C1orf94: variants seen among roughly 807,000 people sequenced by gnomAD.
C1orf94 encodes the protein chromosome 1 open reading frame 94, also known as uncharacterized protein C1orf94.
A neutral mutation model predicts 53.6 loss-of-function variants in C1orf94; 45 were observed. The observed-to-expected ratio is 0.84, with a 90% CI of 0.66 to 1.08. C1orf94 has a LOEUF of 1.08. Ranked by LOEUF, C1orf94 falls within the 50% of genes least tolerant of loss-of-function variation. The pLI is 0.00. For missense variants in C1orf94, 762 were observed against 738.9 expected, an observed-to-expected ratio of 1.03 and a Z score of -0.36; for synonymous variants, 304 against 296.1, an observed-to-expected ratio of 1.03 and a Z score of -0.27.
chr1:34,202,449 T>C (rs1642727377), intron 4 of C1orf94, among the ~76,000 whole-genome samples, 190 bp downstream of exon 4: 1 of 152,096 alleles, frequency 6.6e-6, no homozygotes, highest in African/African-American at 2.4e-5. Flanking sequence ...ATTTTTTTCA[T>C]TGTAGTCACA....
Position 34,197,721 on chromosome 1 carries a change from A to G in C1orf94, c.817A>G (p.Asn273Asp). ...GGTCACCAAGGACTTCCTACAGGAC[A>G]ACCTGTTCAGTGGCCCTGGACCCAA... ...TRVTKDFLQD[N>D]LFSGPGPKEP... The change falls in exon 2 of 7, where the codon AAC becomes GAC. Residue 273 changes from asparagine to aspartate, a missense_variant. Asn to Asp is a conservative substitution (Grantham distance 23). Coordinates refer to ENST00000488417, the MANE Select transcript of C1orf94 (RefSeq NM_001134734.2). The surrounding 1 kb of genome is among the most constrained non-coding windows in gnomAD (Gnocchi z 4.1). 6.2e-7 allele frequency: 1 copy of G among 1,614,134 alleles called. No individual in the cohort carries two copies. The highest frequency in any genetic ancestry group is 8.5e-7 in the Non-Finnish European group (1 of 1,180,018).
At chr1:34,198,220 A>G (rs1008224218) in intron 2 of C1orf94, among the ~76,000 whole-genome samples, 2 of 152,240 alleles carry the variant, frequency 1.3e-5, no homozygotes, top group African/African-American at 2.4e-5. Context: ...GGGTGTCCAG[A>G]GTACATTGAA....
At chr1:34,190,417 A>G (rs1467680032) in intron 1 of C1orf94, among the ~76,000 whole-genome samples, 1 of 151,906 alleles carries the variant, frequency 6.6e-6, no homozygotes, top group African/African-American at 2.4e-5. Context: ...ACCTCCATTC[A>G]TGTGCCCCAT....
At chr1:34,187,256 C>T (rs1642397892) in intron 1 of C1orf94, among the ~76,000 whole-genome samples, 2 of 152,150 alleles carry the variant, frequency 1.3e-5, no homozygotes, top group South Asian at 4.1e-4. Flanking sequence ...AGAGGTTAAG[C>T]AAGTTGCCCA....
upstream of C1orf94, among the ~76,000 whole-genome samples, chr1:34,173,398 A>G (rs977234316): frequency 6.6e-6 from 1 of 152,216 alleles, no homozygotes; most frequent in African/African-American, 2.4e-5. Context: ...TAGGGGCTAT[A>G]TGATGATTGT....
At position 34,202,207 on chromosome 1, in the gene C1orf94, A is replaced by G. The variant is rs1182487012; in HGVS notation, c.1394A>G (p.Asn465Ser). 2 of 1,614,086 alleles carry G rather than the reference A, an allele frequency of 1.2e-6. No homozygotes were observed. The highest frequency in any genetic ancestry group is 1.7e-6 in the Non-Finnish European group (2 of 1,180,040). ...AACCAGCCACTCTGGCTCAACCTGA[A>G]CTATCCACCTCCACCAGTGTTCACG... Reference protein sequence around the residue: ...TLNQPLWLNLNYPPPPVFTNH... With the variant: ...TLNQPLWLNLSYPPPPVFTNH... The change falls in exon 4 of 7, where the codon AAC becomes AGC. Residue 465 changes from asparagine to serine, a missense_variant. Physicochemically the swap from Asn to Ser is conservative, Grantham distance 46 (BLOSUM62 1). Transcript: ENST00000488417.
intron 1 of C1orf94, among the ~76,000 whole-genome samples, chr1:34,195,802 G>A (rs1642569862): frequency 6.6e-6 from 1 of 151,992 alleles, no homozygotes; most frequent in Non-Finnish European, 1.5e-5. Context: ...GTGTGTGTGT[G>A]TGTGTGTGCG....
chr1:34,180,398 C>A (rs532413351), intron 1 of C1orf94, among the ~76,000 whole-genome samples: 5 of 152,184 alleles, frequency 3.3e-5, no homozygotes, highest in Non-Finnish European at 7.3e-5. Context: ...ATGTGTCTAT[C>A]ACTGAGTTTC....
At position 34,186,894 on chromosome 1, in the gene C1orf94, C is replaced by T. The variant is rs934506854; in HGVS notation, c.320+8785C>T. ...GTCTGTGTCTTACTCATCTTTGTCT[C>T]CCCAGTGCCCAGCTGAGTTCCTGGC... On this transcript the variant is annotated intron_variant, in intron 1 of 6. Coordinates refer to ENST00000488417, the MANE Select transcript of C1orf94 (RefSeq NM_001134734.2). Among the ~76,000 whole-genome samples the T allele has an allele frequency of 3.0e-4, 46 of 152,288 alleles. 1 individual carries two copies. The highest frequency in any genetic ancestry group is 1.1e-3 in the African/African-American group (44 of 41,544).
chr1:34,211,826 C>T (rs1642894360), intron 5 of C1orf94, among the ~76,000 whole-genome samples: 1 of 151,930 alleles, frequency 6.6e-6, no homozygotes. Context: ...ATAATGAAAG[C>T]CTTAAAAATA....
intron 1 of C1orf94, among the ~76,000 whole-genome samples, chr1:34,183,616 A>T (rs1642342760): frequency 6.6e-6 from 1 of 152,200 alleles, no homozygotes; most frequent in East Asian, 1.9e-4. Context: ...GCACTTTGGG[A>T]GGCCGAGGTG....
At chr1:34,182,046 T>C (rs770416973) in intron 1 of C1orf94, among the ~76,000 whole-genome samples, 27 of 151,948 alleles carry the variant, frequency 1.8e-4, no homozygotes, top group South Asian at 8.3e-4. Context: ...ATACAAAAAT[T>C]AGCTGGGCAT....
chr1:34,180,626 G>C (rs1024053951), intron 1 of C1orf94, among the ~76,000 whole-genome samples: 1 of 152,190 alleles, frequency 6.6e-6, no homozygotes, highest in Non-Finnish European at 1.5e-5. Flanking sequence ...TAGAATCTGG[G>C]GCATCTTTGA....
At chr1:34,198,398 G>A (rs1222128163) in intron 2 of C1orf94, among the ~76,000 whole-genome samples, 12 of 152,316 alleles carry the variant, frequency 7.9e-5, no homozygotes, top group Middle Eastern at 3.4e-3. Context: ...GGGTAGATGC[G>A]TAAATTATCC....
chr1:34,170,940 G>T (rs908589913), intron 1 of C1orf94, among the ~76,000 whole-genome samples: 2 of 152,090 alleles, frequency 1.3e-5, no homozygotes, highest in African/African-American at 4.8e-5. Context: ...GTCCACAATG[G>T]CTATGTTTCA....
chr1:34,217,552 T>G (rs1023324), intron 6 of C1orf94, among the ~76,000 whole-genome samples: 1 of 151,938 alleles, frequency 6.6e-6, no homozygotes, highest in Non-Finnish European at 1.5e-5. Context: ...GGGACCCACA[T>G]TGTGTCAGGC....
At position 34,177,755 on chromosome 1, in the gene C1orf94, CT is replaced by C; in HGVS notation, c.-34del. 5 of 1,492,782 alleles carry C rather than the reference CT, an allele frequency of 3.3e-6. No homozygotes were observed. The highest frequency in any genetic ancestry group is 4.5e-6 in the Non-Finnish European group (5 of 1,114,676). 92.5% of individuals were successfully genotyped at this position (1,492,782 alleles called of 1,614,324 possible). On this transcript the variant is annotated 5_prime_UTR_variant, in exon 1 of 7. Coordinates refer to ENST00000488417, the MANE Select transcript of C1orf94 (RefSeq NM_001134734.2). ...AAAGCCAGACAGAACTGACCCACTT[CT>C]GCCAAGCCCCATCCTCATCTCCCTT...
chr1:34,205,930 G>A (rs1228093040), intron 4 of C1orf94, among the ~76,000 whole-genome samples: 2 of 152,176 alleles, frequency 1.3e-5, no homozygotes, highest in Non-Finnish European at 2.9e-5. Context: ...AGGGACCATG[G>A]CTTAAGCAAA....
intron 1 of C1orf94, among the ~76,000 whole-genome samples, chr1:34,178,459 T>A (rs1333397682): frequency 6.6e-6 from 1 of 152,206 alleles, no homozygotes; most frequent in African/African-American, 2.4e-5. Context: ...TAGAAGATCC[T>A]TCCCCTCTCC....
Sources: gnomAD v4.1 joint callset for allele counts (sites outside exome capture counted in the v4.1 genomes callset) on GRCh38, gnomAD v4.1.1 for gene constraint, Gnocchi (gnomAD v3.1) non-coding constraint, MANE v1.5 for transcripts, NCBI Gene and HGNC (gene_info 2026-07-23, HGNC 2026-07-21) for gene names.